GRIK2: variants seen among roughly 807,000 people sequenced by gnomAD.
GRIK2 encodes the protein glutamate ionotropic receptor kainate type subunit 2.
Under a neutral mutation model 100.3 loss-of-function variants are expected in GRIK2, and 32 were observed. That is an observed-to-expected ratio of 0.32 (90% CI 0.24 to 0.43). GRIK2 has a LOEUF of 0.43. GRIK2 is among the 20% of genes least tolerant of loss of function. The pLI, the probability that GRIK2 is intolerant of heterozygous loss-of-function variation, is 1.00. For synonymous variants in GRIK2, 417 were observed against 389.4 expected (o/e 1.07, Z -0.83); for missense variants, 843 against 1,114.9 (o/e 0.76, Z 3.47).
chr6:101,480,277 G>A (rs1448391893), intron 2 of GRIK2, among the ~76,000 whole-genome samples: 1 of 152,068 alleles, frequency 6.6e-6, no homozygotes, highest in Non-Finnish European at 1.5e-5. Flanking sequence ...ATGATGGTAG[G>A]AGAGACAAGA....
At chr6:101,708,640 G>A (rs1773500413) in intron 7 of GRIK2, among the ~76,000 whole-genome samples, 1 of 151,628 alleles carries the variant, frequency 6.6e-6, no homozygotes. Flanking sequence ...ACAATTTTAA[G>A]AAGAATCTGT....
intron 2 of GRIK2, among the ~76,000 whole-genome samples, chr6:101,542,036 A>C (rs1776022700): frequency 6.6e-6 from 1 of 152,106 alleles, no homozygotes. Flanking sequence ...GTATTCTCAT[A>C]ATAGTTGAAC....
chr6:101,422,201 C>A (rs1776444170), intron 2 of GRIK2, among the ~76,000 whole-genome samples: 1 of 152,136 alleles, frequency 6.6e-6, no homozygotes, highest in African/African-American at 2.4e-5. Context: ...ATAATCGGCA[C>A]AGGTTTTTAC....
intron 15 of GRIK2, among the ~76,000 whole-genome samples, chr6:102,045,566 G>T (rs761267421): frequency 6.6e-6 from 1 of 151,924 alleles, no homozygotes; most frequent in Non-Finnish European, 1.5e-5. Context: ...AATGAGAGAA[G>T]AGAGGTTAAA....
At chr6:101,649,159 T>G (rs1781668741) in intron 4 of GRIK2, among the ~76,000 whole-genome samples, 1 of 152,074 alleles carries the variant, frequency 6.6e-6, no homozygotes, top group African/African-American at 2.4e-5. Context: ...GGAAGCTTCC[T>G]TCTAACTGTG....
intron 14 of GRIK2, among the ~76,000 whole-genome samples, chr6:101,999,364 T>C (rs1794814207): frequency 6.6e-6 from 1 of 152,160 alleles, no homozygotes; most frequent in South Asian, 2.1e-4. Context: ...TTTTACTATA[T>C]AAACAGACTG....
intron 14 of GRIK2, among the ~76,000 whole-genome samples, chr6:101,969,793 C>G (rs142320546): frequency 6.6e-6 from 1 of 152,058 alleles, no homozygotes; most frequent in African/African-American, 2.4e-5. Context: ...TCATAAGGAG[C>G]AGCATACGAG....
At chr6:101,912,420 A>AATTCAT (rs1468175133) in intron 12 of GRIK2, among the ~76,000 whole-genome samples, 1 of 151,528 alleles carries the variant, frequency 6.6e-6, no homozygotes, top group Non-Finnish European at 1.5e-5. Flanking sequence ...GTCAGCTCTT[A>AATTCAT]GTATTTACGT....
intron 9 of GRIK2, among the ~76,000 whole-genome samples, chr6:101,813,680 C>CCG (rs1781469350): frequency 6.6e-6 from 1 of 151,958 alleles, no homozygotes. Flanking sequence ...TTAACTAAAA[C>CCG]CGGCTGGGCA....
At chr6:102,005,166 G>A (rs1156918237) in intron 14 of GRIK2, among the ~76,000 whole-genome samples, 1 of 150,926 alleles carries the variant, frequency 6.6e-6, no homozygotes, top group Non-Finnish European at 1.5e-5. Context: ...ATTTATATAA[G>A]TATATATACA....
intron 15 of GRIK2, among the ~76,000 whole-genome samples, chr6:102,050,667 ACGGAAT>A (rs1771128097): frequency 6.7e-6 from 1 of 150,228 alleles, no homozygotes; most frequent in African/African-American, 2.4e-5. Flanking sequence ...AAAAAAAAAA[ACGGAAT>A]AAGAAATAAA....
intron 2 of GRIK2, among the ~76,000 whole-genome samples, chr6:101,619,639 G>T (rs1352466419): frequency 6.6e-6 from 1 of 151,766 alleles, no homozygotes; most frequent in Non-Finnish European, 1.5e-5. Context: ...ACCACTTAAG[G>T]CTTGCATTTC....
chr6:101,833,632 A>C (rs1441890039), intron 10 of GRIK2, among the ~76,000 whole-genome samples: 1 of 152,192 alleles, frequency 6.6e-6, no homozygotes, highest in Non-Finnish European at 1.5e-5. Flanking sequence ...ACAAATGAAT[A>C]ACTTGATAAT....
At position 101,968,440 on chromosome 6, in the gene GRIK2, G is replaced by GACA. The variant is rs200991451; in HGVS notation, c.2085+39811_2085+39813dup. On this transcript the variant is annotated intron_variant, in intron 14 of 16. Transcript: ENST00000369134. Reference sequence around the variant, plus strand: ...TTGCATTAGTGTCAGTTTTTTACATGACAACTTCTACTCCTACAAAATTGC... The same window carrying GACA: ...TTGCATTAGTGTCAGTTTTTTACATGACAACAACTTCTACTCCTACAAAATTGC... Among the ~76,000 whole-genome samples the GACA allele has an allele frequency of 5.8e-3, 886 of 151,978 alleles. 9 individuals are homozygous for GACA. The highest frequency in any genetic ancestry group is 0.02 in the African/African-American group (846 of 41,470).
chr6:101,713,596 G>A (rs954509574), intron 7 of GRIK2, among the ~76,000 whole-genome samples: 5 of 151,780 alleles, frequency 3.3e-5, no homozygotes, highest in African/African-American at 7.2e-5. Flanking sequence ...CTTTATTGAA[G>A]AAGCTACTTT....
chr6:101,465,138 A>G (rs2128253699), intron 2 of GRIK2, among the ~76,000 whole-genome samples: 1 of 152,278 alleles, frequency 6.6e-6, no homozygotes, highest in East Asian at 1.9e-4. Context: ...TAATTTATAC[A>G]CATAACGGGT....
intron 2 of GRIK2, chr6:101,431,655 G>T (rs1175249049): frequency 2.0e-5 from 3 of 152,170 alleles, no homozygotes; most frequent in Non-Finnish European, 4.4e-5. Flanking sequence ...CCAAAACAAA[G>T]TTAACTTATG....
chr6:101,883,292 T>G lies in GRIK2; in HGVS notation c.1525-6348T>G, dbSNP rs1374792775. ...CCTCAAGAGTATTCTCTTTGGCAAA[T>G]AATAATAATAATAATAATAATAATA... On this transcript the variant is annotated intron_variant, in intron 11 of 16. Coordinates refer to ENST00000369134, the MANE Select transcript of GRIK2 (RefSeq NM_021956.5). 5.1e-5 allele frequency among the ~76,000 whole-genome samples: 6 copies of G among 117,316 alleles called. 1 individual carries two copies. The South Asian group carries it at 1.9e-3, about 37-fold the overall frequency. The allele number at this position is 117,316 out of a possible 152,430, so 77.0% of individuals were successfully genotyped here.
chr6:101,760,624 GTTTAATTATATATAATTATATATAATTA>G (rs1777537338), intron 7 of GRIK2, among the ~76,000 whole-genome samples: 1 of 99,162 alleles, frequency 1.0e-5, no homozygotes, highest in African/African-American at 3.9e-5. Context: ...TTAATTATAT[GTTTAATTATATATAATTATATATAATTA>G]TATGTTTAAT....
Sources: gnomAD v4.1 joint callset for allele counts (sites outside exome capture counted in the v4.1 genomes callset) on GRCh38, gnomAD v4.1.1 for gene constraint, MANE v1.5 for transcripts, NCBI Gene and HGNC (gene_info 2026-07-23, HGNC 2026-07-21) for gene names.